CPNE4: variants seen among roughly 807,000 people sequenced by gnomAD.
CPNE4 encodes copine-4.
CPNE4 carries 25 observed loss-of-function variants against 67.9 expected under a neutral mutation model. The ratio of observed to expected loss-of-function variants is 0.37; its 90% CI spans 0.27 to 0.51. CPNE4 has a LOEUF of 0.51. Among genes scored for constraint, CPNE4 ranks in the 20% least tolerant of loss-of-function variants. The pLI, the probability that CPNE4 is intolerant of heterozygous loss-of-function variation, is 0.93. For synonymous variants in CPNE4, 242 were observed against 244.9 expected (o/e 0.99, Z 0.11); for missense variants, 464 against 690.8 (o/e 0.67, Z 3.68).
At chr3:131,541,322 T>C (rs892310719) in intron 15 of CPNE4, among the ~76,000 whole-genome samples, 4 of 152,186 alleles carry the variant, frequency 2.6e-5, no homozygotes, top group Non-Finnish European at 5.9e-5. Context: ...ATTTAAAAAA[T>C]GCTCCTTCCT....
chr3:131,698,918 A>G (rs1312364810), intron 4 of CPNE4, among the ~76,000 whole-genome samples: 10 of 151,682 alleles, frequency 6.6e-5, no homozygotes, highest in African/African-American at 2.4e-4. Flanking sequence ...TCAAAAAAAA[A>G]AAAAAAAAAA....
chr3:131,771,386 G>T (rs1389319051), intron 2 of CPNE4, among the ~76,000 whole-genome samples: 1 of 152,082 alleles, frequency 6.6e-6, no homozygotes, highest in African/African-American at 2.4e-5. Flanking sequence ...CTAATGTGAG[G>T]TGTTTTGGTC....
At chr3:131,642,183 G>T (rs932826712) in intron 7 of CPNE4, among the ~76,000 whole-genome samples, 6 of 151,376 alleles carry the variant, frequency 4.0e-5, no homozygotes, top group Non-Finnish European at 5.9e-5. Flanking sequence ...AATTTAAAAA[G>T]ACTAAATAGT....
At chr3:131,633,637 A>G (rs1325613660) in intron 7 of CPNE4, among the ~76,000 whole-genome samples, 3 of 152,168 alleles carry the variant, frequency 2.0e-5, no homozygotes, top group Admixed American at 6.6e-5. Context: ...GACAATAAAG[A>G]TAAGTATTAG....
intron 15 of CPNE4, among the ~76,000 whole-genome samples, chr3:131,540,544 G>A (rs1935424472): frequency 6.6e-6 from 1 of 152,224 alleles, no homozygotes; most frequent in African/African-American, 2.4e-5. Flanking sequence ...GTGGGAGGAT[G>A]GATGGATCAT....
chr3:131,782,818 G>A (rs1307617121), intron 2 of CPNE4, among the ~76,000 whole-genome samples: 2 of 152,082 alleles, frequency 1.3e-5, no homozygotes, highest in Non-Finnish European at 1.5e-5. Flanking sequence ...TCAGTGAAGT[G>A]AGTCCTCATA....
intron 7 of CPNE4, among the ~76,000 whole-genome samples, chr3:131,592,943 C>T (rs1380847810): frequency 6.6e-6 from 1 of 152,172 alleles, no homozygotes; most frequent in East Asian, 1.9e-4. Context: ...GTTACTCCCT[C>T]CTACTCTTGT....
At chr3:131,995,376 T>C (rs1419077955) in intron 1 of CPNE4, among the ~76,000 whole-genome samples, 3 of 152,172 alleles carry the variant, frequency 2.0e-5, no homozygotes, top group Non-Finnish European at 2.9e-5. Flanking sequence ...CTCTAAAAGA[T>C]AACCCCCCTT....
At chr3:131,847,907 A>G (rs984775948) in intron 2 of CPNE4, among the ~76,000 whole-genome samples, 2 of 152,126 alleles carry the variant, frequency 1.3e-5, no homozygotes, top group African/African-American at 4.8e-5. Flanking sequence ...TTTAGGTAGT[A>G]GGTCTCTGAC....
At chr3:131,917,669 A>C (rs2070602799) in intron 1 of CPNE4, among the ~76,000 whole-genome samples, 2 of 152,114 alleles carry the variant, frequency 1.3e-5, no homozygotes, top group Admixed American at 1.3e-4. Context: ...TCACTGAAGG[A>C]GTTTGACAGG....
intron 3 of CPNE4, among the ~76,000 whole-genome samples, chr3:131,701,588 T>C (rs2081302956): frequency 6.6e-6 from 1 of 152,308 alleles, no homozygotes; most frequent in South Asian, 2.1e-4. Context: ...TGACAGATTG[T>C]GAGTAGTCCT....
rs182646607 is a variant in CPNE4, at chr3:131,878,317, T to C, written c.180+26947A>G. 3.8e-3 allele frequency among the ~76,000 whole-genome samples: 581 copies of C among 152,298 alleles called. 1 individual carries two copies. The highest frequency in any genetic ancestry group is 9.7e-3 in the Admixed American group (148 of 15,288). On this transcript the variant is annotated intron_variant, in intron 2 of 15. Transcript: ENST00000429747. Reference sequence around the variant, plus strand: ...ATAATGAACGAATGACTACATGCAATGCCATGAATCTCGCAAATATAGTGT... The same window carrying C: ...ATAATGAACGAATGACTACATGCAACGCCATGAATCTCGCAAATATAGTGT...
At chr3:131,812,294 G>A (rs2084564640) in intron 2 of CPNE4, among the ~76,000 whole-genome samples, 1 of 151,476 alleles carries the variant, frequency 6.6e-6, no homozygotes, top group Admixed American at 6.6e-5. Flanking sequence ...CAGACATTAA[G>A]GTGAAAGCAA....
chr3:131,621,209 G>GT (rs1424344402), intron 7 of CPNE4, among the ~76,000 whole-genome samples: 1 of 152,046 alleles, frequency 6.6e-6, no homozygotes, highest in African/African-American at 2.4e-5. Flanking sequence ...CAGTGACAAT[G>GT]TTCCACTTCA....
At chr3:131,668,777 T>G (rs1195354252) in intron 7 of CPNE4, among the ~76,000 whole-genome samples, 1 of 152,216 alleles carries the variant, frequency 6.6e-6, no homozygotes, top group East Asian at 1.9e-4. Context: ...AAACATCTCC[T>G]GAAATCTGCT....
intron 3 of CPNE4, among the ~76,000 whole-genome samples, chr3:131,704,406 G>A (rs1284233404): frequency 6.6e-6 from 1 of 152,182 alleles, no homozygotes; most frequent in Non-Finnish European, 1.5e-5. Context: ...TCTCAGTAGT[G>A]AGGGCTGACA....
intron 1 of CPNE4, among the ~76,000 whole-genome samples, chr3:131,960,900 C>G (rs1054473905): frequency 2.0e-5 from 3 of 152,184 alleles, no homozygotes; most frequent in Non-Finnish European, 4.4e-5. Context: ...ACTTGGTGAT[C>G]TGCAATCATT....
chr3:131,799,310 T>C (rs2084007236), intron 2 of CPNE4, among the ~76,000 whole-genome samples: 1 of 152,100 alleles, frequency 6.6e-6, no homozygotes, highest in African/African-American at 2.4e-5. Context: ...TGATACTAAA[T>C]ATTACCACTA....
chr3:131,867,428 C>T (rs577865660), intron 2 of CPNE4, among the ~76,000 whole-genome samples: 1 of 152,008 alleles, frequency 6.6e-6, no homozygotes, highest in South Asian at 2.1e-4. Flanking sequence ...AAAGAGTGGC[C>T]AATATTAATT....
Sources: allele counts gnomAD v4.1 joint callset (sites outside exome capture counted in the v4.1 genomes callset), GRCh38; gene constraint gnomAD v4.1.1; transcripts MANE v1.5; gene names NCBI Gene and HGNC (gene_info 2026-07-23, HGNC 2026-07-21).